The following NFATC1 variants were observed in gnomAD, a reference collection of about 807,000 sequenced individuals.
NFATC1 encodes the protein nuclear factor of activated T cells 1.
In NFATC1, 22 loss-of-function variants were observed where a neutral mutation model predicts 76.0. The observed-to-expected ratio is 0.29, with a 90% CI of 0.21 to 0.41. The LOEUF (loss-of-function observed/expected upper bound fraction) is 0.41, where lower values mean the gene tolerates loss of function less well. NFATC1 is among the 10% of genes least tolerant of loss of function. NFATC1 has a pLI of 1.00. For missense variants in NFATC1, 1,357 were observed against 1,337.7 expected (o/e 1.01, Z -0.23); for synonymous variants, 704 against 613.1 (o/e 1.15, Z -2.19).
chr18:79,398,382 C>A (rs916862341), intron 1 of NFATC1, among the ~76,000 whole-genome samples: 24 of 152,248 alleles, frequency 1.6e-4, no homozygotes, highest in African/African-American at 5.1e-4. Context: ...TCACACCCAG[C>A]GGGGCTTCTG....
At chr18:79,459,733 G>C (rs1178163466) in intron 6 of NFATC1, among the ~76,000 whole-genome samples, 1 of 152,170 alleles carries the variant, frequency 6.6e-6, no homozygotes, top group Non-Finnish European at 1.5e-5. Flanking sequence ...CCCAAAGATG[G>C]ACTTTGTCAT....
rs757810741 is a variant in NFATC1, at chr18:79,450,856, G to A, written c.1590-98G>A. ...GTGGCCAGCTGCCTGGCACGAGCTC[G>A]TGGGGCTGGGATGAGGGCCAGAGGG... is the stretch of plus-strand genomic sequence containing the variant. On this transcript the variant is annotated intron_variant, in intron 4 of 9. Coordinates refer to ENST00000427363, the MANE Select transcript of NFATC1 (RefSeq NM_001278669.2). 7.5e-6 allele frequency: 11 copies of A among 1,460,302 alleles called. 1 individual carries two copies. The South Asian group carries it at 8.2e-5, about 11-fold the overall frequency. 90.5% of individuals were successfully genotyped at this position (1,460,302 alleles called of 1,614,324 possible). A position where few individuals can be genotyped will look rare whatever the true frequency, so the allele number is the denominator to read the frequency against.
intron 2 of NFATC1, among the ~76,000 whole-genome samples, chr18:79,420,373 A>G (rs563148594): frequency 1.7e-4 from 16 of 95,688 alleles, no homozygotes; most frequent in African/African-American, 6.8e-4. Flanking sequence ...GTCGCTGCAG[A>G]GAGGAAGGAG....
At chr18:79,460,905 C>A (rs964988774) in intron 6 of NFATC1, among the ~76,000 whole-genome samples, 5 of 152,202 alleles carry the variant, frequency 3.3e-5, no homozygotes, top group Admixed American at 1.3e-4. Flanking sequence ...TACCTGCTCC[C>A]CCTCACACCT....
chr18:79,458,755 G>A (rs1264094136), intron 6 of NFATC1, among the ~76,000 whole-genome samples: 2 of 152,236 alleles, frequency 1.3e-5, no homozygotes, highest in East Asian at 3.9e-4. Flanking sequence ...CTGCCCGTCC[G>A]GGCCTCCACG....
At chr18:79,399,081 C>T (rs571319264) in intron 1 of NFATC1, among the ~76,000 whole-genome samples, 1 of 152,238 alleles carries the variant, frequency 6.6e-6, no homozygotes, top group African/African-American at 2.4e-5. Context: ...AAACAAAAAC[C>T]TGTACAATGG....
At chr18:79,433,763 C>A in intron 3 of NFATC1, 25 bp downstream of exon 3, 1 of 1,600,282 alleles carries the variant, frequency 6.2e-7, no homozygotes, top group Non-Finnish European at 8.5e-7. Flanking sequence ...CAGACTCGCA[C>A]GTCACTTGGT....
At chr18:79,401,124 C>G (rs931517224) in intron 1 of NFATC1, among the ~76,000 whole-genome samples, 1 of 146,518 alleles carries the variant, frequency 6.8e-6, no homozygotes, top group Non-Finnish European at 1.5e-5. Flanking sequence ...TCCCGAAGAG[C>G]AGCGAGTGAG....
chr18:79,407,744 C>T (rs1408737530), intron 1 of NFATC1, among the ~76,000 whole-genome samples: 1 of 152,230 alleles, frequency 6.6e-6, no homozygotes, highest in African/African-American at 2.4e-5. Context: ...CGCGCCTGGC[C>T]ACCTCCTTGA....
At chr18:79,520,819 G>GT (rs2090523246) in intron 9 of NFATC1, among the ~76,000 whole-genome samples, 1 of 46,102 alleles carries the variant, frequency 2.2e-5, no homozygotes, top group Non-Finnish European at 4.5e-5. Flanking sequence ...GTGTCTGTGT[G>GT]TGGGGGGGGG....
intron 6 of NFATC1, among the ~76,000 whole-genome samples, chr18:79,455,738 C>CTCCCATCTCACGGCCG (rs1361021629): frequency 2.6e-5 from 3 of 114,166 alleles, no homozygotes; most frequent in Non-Finnish European, 5.8e-5. Flanking sequence ...CCCAGCTCGC[C>CTCCCATCTCACGGCCG]CCCCATCTCA....
intron 9 of NFATC1, among the ~76,000 whole-genome samples, chr18:79,520,712 T>TG (rs1379462567): frequency 2.2e-3 from 13 of 5,826 alleles, no homozygotes; most frequent in Non-Finnish European, 4.4e-3. Flanking sequence ...GATATGTGTG[T>TG]GTGGGGGGGG....
chr18:79,461,284 C>T, intron 6 of NFATC1, 27 bp from the exon 7 acceptor site: 1 of 1,613,840 alleles, frequency 6.2e-7, no homozygotes, highest in Non-Finnish European at 8.5e-7. Context: ...CACAGAGTCA[C>T]AGACGTTTCC....
In NFATC1 at chr18:79,447,668, C is replaced by T. The variant is rs753891990; in HGVS notation, c.1387-1114C>T. 8.7e-4 allele frequency among the ~76,000 whole-genome samples: 133 copies of T among 152,204 alleles called. 3 individuals carry two copies. The highest frequency in any genetic ancestry group is 7.7e-3 in the Admixed American group (118 of 15,288). On this transcript the variant is annotated intron_variant, in intron 3 of 9. Transcript: ENST00000427363. The stretch of plus-strand genomic sequence containing the variant: ...AGGGGCCCTGTGGGAGGCCCCACTG[C>T]GCAAAGGGTTTGACTCCTGCGGCCT...
At chr18:79,493,250 C>T (rs984319818) in intron 9 of NFATC1, 19 of 152,250 alleles carry the variant, frequency 1.2e-4, no homozygotes, top group African/African-American at 4.6e-4. Flanking sequence ...GTGGATTACG[C>T]GTCAGCGAGG....
At chr18:79,474,389 G>A (rs188875650) in intron 8 of NFATC1, among the ~76,000 whole-genome samples, 98 of 147,136 alleles carry the variant, frequency 6.7e-4, no homozygotes, top group Admixed American at 1.8e-3. Context: ...CACCGTCGAC[G>A]TAAACCTGAG....
intron 2 of NFATC1, among the ~76,000 whole-genome samples, chr18:79,417,003 C>T (rs1320727907): frequency 2.0e-5 from 3 of 152,152 alleles, no homozygotes; most frequent in Non-Finnish European, 2.9e-5. Flanking sequence ...CCCTGGCATT[C>T]GCGGTGGTGG....
rs374701134 is a variant in NFATC1, at chr18:79,486,508, C to T, written c.2353C>T (p.His785Tyr). The change falls in exon 9 of 10, where the codon CAC becomes TAC. Residue 785 changes from histidine to tyrosine, a missense_variant. By Grantham distance (83) the His-to-Tyr change is moderately conservative (BLOSUM62 2). Coordinates refer to ENST00000427363, the MANE Select transcript of NFATC1 (RefSeq NM_001278669.2). ...CACCAAGGGCGTTGCCAGCCCGGGC[C>T]ACTGTCACCTCGGACTCCCGCAGCC... ...AYTKGVASPG[H>Y]CHLGLPQPAG... The T allele has an allele frequency of 2.2e-5, 36 of 1,603,848 alleles. No individual in the cohort carries two copies. The highest frequency in any genetic ancestry group is 2.8e-5 in the Non-Finnish European group (33 of 1,179,330).
rs1404922945 is a variant in NFATC1 at position 79,524,912 on chromosome 18, C to T, written c.2783-2616C>T. Among the ~76,000 whole-genome samples the T allele has an allele frequency of 6.6e-6, 1 of 151,984 alleles. No individual in the cohort carries two copies. The highest frequency in any genetic ancestry group is 6.5e-5 in the Admixed American group (1 of 15,270). On this transcript the variant is annotated intron_variant, in intron 9 of 9. Coordinates refer to ENST00000427363, the MANE Select transcript of NFATC1 (RefSeq NM_001278669.2). This position sits in a 1 kb window ranked among gnomAD's most constrained non-coding sequence, Gnocchi z 7.2. ...AGACGGCTCTCGGCGGCCATGCAGG[C>T]GGCCTGTCCCACGAACACGATGGAG...
Sources: gnomAD v4.1 joint callset for allele counts (sites outside exome capture counted in the v4.1 genomes callset) on GRCh38, gnomAD v4.1.1 for gene constraint, Gnocchi (gnomAD v3.1) non-coding constraint, MANE v1.5 for transcripts, NCBI Gene and HGNC (gene_info 2026-07-23, HGNC 2026-07-21) for gene names.